SNTG1: variants seen among roughly 807,000 people sequenced by gnomAD.
SNTG1 encodes the protein gamma-1-syntrophin.
A neutral mutation model predicts 74.7 loss-of-function variants in SNTG1; 39 were observed. The ratio of observed to expected loss-of-function variants is 0.52; its 90% CI spans 0.40 to 0.68. The LOEUF (loss-of-function observed/expected upper bound fraction) is 0.68, where lower values mean the gene tolerates loss of function less well. Among genes scored for constraint, SNTG1 ranks in the 30% least tolerant of loss-of-function variants. The pLI is 0.00. For missense variants in SNTG1, 685 were observed against 609.5 expected (o/e 1.12, Z -1.30); for synonymous variants, 254 against 217.1 (o/e 1.17, Z -1.49).
intron 1 of SNTG1, among the ~76,000 whole-genome samples, chr8:50,168,539 G>A (rs990142783): frequency 2.0e-5 from 3 of 151,996 alleles, no homozygotes; most frequent in Non-Finnish European, 2.9e-5. Context: ...TAACACATCC[G>A]TGTGTGTATA....
At chr8:50,069,534 G>A (rs1412916496) in intron 1 of SNTG1, among the ~76,000 whole-genome samples, 1 of 133,950 alleles carries the variant, frequency 7.5e-6, no homozygotes, top group Admixed American at 7.9e-5. Flanking sequence ...GAAAATACTT[G>A]CATTACTAAG....
At position 50,388,937 on chromosome 8, in the gene SNTG1, C is replaced by T. The variant is rs1161063863; in HGVS notation, c.-27-5275C>T. Among the ~76,000 whole-genome samples, 9 of 152,228 alleles carry T rather than the reference C, an allele frequency of 5.9e-5. No individual in the cohort carries two copies. In the East Asian group the frequency reaches 1.7e-3, roughly 29 times the overall value. ...GCAGGAGTCTTCAATGTGATTGTGGCAGCTCTGTCCTGGGCAGGGATGTAA... is the reference window on the plus strand; with the variant it reads ...GCAGGAGTCTTCAATGTGATTGTGGTAGCTCTGTCCTGGGCAGGGATGTAA... On this transcript the variant is annotated intron_variant, in intron 2 of 18. Coordinates refer to ENST00000642720, the MANE Select transcript of SNTG1 (RefSeq NM_018967.5).
rs767236495 is a variant in SNTG1 at position 50,530,195 on chromosome 8, G to A, written c.485G>A (p.Ser162Asn). ...CCTGCAGGTGCTCCAAGTGACCAGAGCAGTGGCACCTCCTCTCCTCTCTGT... is the reference window on the plus strand; with the variant it reads ...CCTGCAGGTGCTCCAAGTGACCAGAACAGTGGCACCTCCTCTCCTCTCTGT... ...EDCACAPSDQSSGTSSPLCDS... is the reference protein window; with the variant it reads ...EDCACAPSDQNSGTSSPLCDS... Residue 162 changes from serine (S) to asparagine (N), a missense_variant, in exon 10 of 19, where the codon AGC (serine) becomes AAC (asparagine). Coordinates refer to ENST00000642720, the MANE Select transcript of SNTG1 (RefSeq NM_018967.5). 1.9e-6 allele frequency: 3 copies of A among 1,613,742 alleles called. No homozygotes were observed. Among genetic ancestry groups the A allele is most frequent in the Non-Finnish European group, 2.5e-6 (3 of 1,179,748 alleles).
intron 1 of SNTG1, among the ~76,000 whole-genome samples, chr8:50,013,936 C>T (rs1816065462): frequency 6.6e-6 from 1 of 152,050 alleles, no homozygotes; most frequent in African/African-American, 2.4e-5. Context: ...TCCTCTAACT[C>T]AATGTTAATG....
Position 50,536,736 on chromosome 8 carries a change from G to A in SNTG1, c.608G>A (p.Trp203Ter), listed in dbSNP as rs1163460604. 6.2e-7 allele frequency: 1 copy of A among 1,613,890 alleles called. No individual in the cohort carries two copies. Among genetic ancestry groups the A allele is most frequent in the East Asian group, 2.2e-5 (1 of 44,882 alleles). ...TSPGLRWEKR[W>*]CDLRLIPLLH... ...CCAGGCTTGAGGTGGGAGAAGCGAT[G>A]GTGCGACCTCAGACTGATCCCTCTA... Residue 203 changes from tryptophan to a stop codon, truncating the protein, a stop_gained, in exon 11 of 19, where the codon TGG (tryptophan) becomes TAG (stop). Coordinates refer to ENST00000642720, the MANE Select transcript of SNTG1 (RefSeq NM_018967.5). LOFTEE classifies it high-confidence loss of function.
intron 17 of SNTG1, among the ~76,000 whole-genome samples, chr8:50,713,320 A>G (rs1454678624): frequency 6.6e-6 from 1 of 152,116 alleles, no homozygotes; most frequent in African/African-American, 2.4e-5. Flanking sequence ...GTGTCTGTTC[A>G]TATCCTTCAT....
chr8:50,342,186 C>A (rs189047942), intron 2 of SNTG1, among the ~76,000 whole-genome samples: 1 of 152,132 alleles, frequency 6.6e-6, no homozygotes, highest in South Asian at 2.1e-4. Flanking sequence ...CATTTTAGTT[C>A]GGCATGAAGT....
At chr8:50,267,193 G>C (rs150294558) in intron 2 of SNTG1, among the ~76,000 whole-genome samples, 5 of 152,136 alleles carry the variant, frequency 3.3e-5, no homozygotes, top group Non-Finnish European at 5.9e-5. Context: ...AAGTTTAAAT[G>C]TATGAAGGTT....
chr8:50,492,525 C>T (rs915289152), intron 8 of SNTG1, among the ~76,000 whole-genome samples: 1 of 152,118 alleles, frequency 6.6e-6, no homozygotes, highest in African/African-American at 2.4e-5. Context: ...GTTTGTTGGC[C>T]ACATAAATGC....
At chr8:49,917,792 C>T (rs1282039213) in intron 1 of SNTG1, among the ~76,000 whole-genome samples, 1 of 152,098 alleles carries the variant, frequency 6.6e-6, no homozygotes, top group African/African-American at 2.4e-5. Flanking sequence ...CAAATGCCCT[C>T]AGGGTGCAGG....
chr8:50,660,973 C>T lies in SNTG1; in HGVS notation c.1038+2310C>T, dbSNP rs115473411. Among the ~76,000 whole-genome samples, 388 of 152,222 alleles carry T rather than the reference C, an allele frequency of 2.5e-3. 3 individuals carry two copies. Among genetic ancestry groups the T allele is most frequent in the African/African-American group, 9.0e-3 (374 of 41,550 alleles). ...TTTTGATAGATTTCATCTATCCCATCATTTGCTTGTATTCATTGAGTCCAC... is the reference window on the plus strand; with the variant it reads ...TTTTGATAGATTTCATCTATCCCATTATTTGCTTGTATTCATTGAGTCCAC... On this transcript the variant is annotated intron_variant, in intron 15 of 18. Transcript: ENST00000642720.
chr8:50,435,459 T>G (rs2093291662), intron 4 of SNTG1, among the ~76,000 whole-genome samples: 1 of 152,176 alleles, frequency 6.6e-6, no homozygotes, highest in Admixed American at 6.5e-5. Context: ...TTGAAATGGT[T>G]CATTTCTTCT....
At chr8:50,294,938 A>G (rs543024381) in intron 2 of SNTG1, among the ~76,000 whole-genome samples, 3 of 152,260 alleles carry the variant, frequency 2.0e-5, no homozygotes, top group African/African-American at 7.2e-5. Context: ...ACGAGCACTA[A>G]AAAAACTCCA....
At chr8:49,927,177 G>A (rs1382201587) in intron 1 of SNTG1, among the ~76,000 whole-genome samples, 5 of 152,142 alleles carry the variant, frequency 3.3e-5, no homozygotes, top group South Asian at 2.1e-4. Flanking sequence ...GTAGAGCCAC[G>A]TGGAATACAG....
intron 2 of SNTG1, among the ~76,000 whole-genome samples, chr8:50,370,022 A>T (rs2092231403): frequency 1.3e-5 from 2 of 152,082 alleles, no homozygotes; most frequent in Non-Finnish European, 2.9e-5. Flanking sequence ...ACCATTGGAC[A>T]CTCCTAATCA....
intron 1 of SNTG1, among the ~76,000 whole-genome samples, chr8:50,014,991 T>A (rs1816175602): frequency 1.4e-5 from 2 of 146,530 alleles, no homozygotes; most frequent in African/African-American, 5.1e-5. Flanking sequence ...TGCAAAGAAG[T>A]AGAAAAGTAT....
Position 49,981,094 on chromosome 8 carries a change from G to A in SNTG1, c.-103+68863G>A, listed in dbSNP as rs373816851. On this transcript the variant is annotated intron_variant, in intron 1 of 18. Coordinates refer to ENST00000642720, the MANE Select transcript of SNTG1 (RefSeq NM_018967.5). ...TAACATCTATACAGACTAGGTTCCT[G>A]ATAAACATTGAATTGAATCTCCTGG... 1.3e-5 allele frequency among the ~76,000 whole-genome samples: 2 copies of A among 152,262 alleles called. 1 individual carries two copies. Among genetic ancestry groups the A allele is most frequent in the African/African-American group, 4.8e-5 (2 of 41,542 alleles).
chr8:50,267,255 T>A (rs2087530100), intron 2 of SNTG1, among the ~76,000 whole-genome samples: 2 of 152,280 alleles, frequency 1.3e-5, no homozygotes, highest in East Asian at 1.9e-4. Flanking sequence ...TATTTTTAAA[T>A]CATATGTCTG....
At chr8:50,713,076 A>G (rs564697415) in intron 17 of SNTG1, among the ~76,000 whole-genome samples, 18 of 152,314 alleles carry the variant, frequency 1.2e-4, no homozygotes, top group Admixed American at 2.6e-4. Context: ...GAATCACCAC[A>G]CTGTCTTCCA....
Sources: allele counts gnomAD v4.1 joint callset (sites outside exome capture counted in the v4.1 genomes callset), GRCh38; gene constraint gnomAD v4.1.1; transcripts MANE v1.5; gene names NCBI Gene and HGNC (gene_info 2026-07-23, HGNC 2026-07-21).